The following RAD51B variants were observed in gnomAD, a reference collection of about 807,000 sequenced individuals.
RAD51B encodes RAD51 paralog B.
RAD51B carries 38 observed loss-of-function variants against 42.2 expected under a neutral mutation model. The observed-to-expected ratio is 0.90, with a 90% CI of 0.70 to 1.18. The LOEUF (loss-of-function observed/expected upper bound fraction) is 1.18. RAD51B is among the 50% of genes most tolerant of loss of function. The pLI is 0.00. For synonymous variants in RAD51B, 154 were observed against 145.2 expected (o/e 1.06, Z -0.43); for missense variants, 373 against 400.7 (o/e 0.93, Z 0.59).
intron 7 of RAD51B, among the ~76,000 whole-genome samples, chr14:68,291,542 T>C (rs2081517098): frequency 6.6e-6 from 1 of 152,226 alleles, no homozygotes; most frequent in African/African-American, 2.4e-5. Context: ...AATGTGTACA[T>C]GTGCATTTAA....
At chr14:68,297,172 T>C (rs576692696) in intron 8 of RAD51B, among the ~76,000 whole-genome samples, 1 of 152,310 alleles carries the variant, frequency 6.6e-6, no homozygotes, top group African/African-American at 2.4e-5. Flanking sequence ...CTCAGAATGG[T>C]TGGGACAAAT....
At position 68,525,397 on chromosome 14, in the gene RAD51B, A is replaced by G. The variant is rs76242603; in HGVS notation, c.1036+57147A>G. Among the ~76,000 whole-genome samples, 902 of 152,374 alleles carry G rather than the reference A, an allele frequency of 5.9e-3. 13 individuals carry two copies. The highest frequency in any genetic ancestry group is 0.02 in the African/African-American group (818 of 41,588). The stretch of plus-strand genomic sequence containing the variant: ...CATTCCATTAGTGGTAACTTTTACA[A>G]CAGCAATAAGAAAGTAATTCAAAGT... On this transcript the variant is annotated intron_variant, in intron 10 of 10. Coordinates refer to the RAD51B transcript ENST00000487270.
chr14:68,034,957 T>A (rs2076098653), intron 7 of RAD51B, among the ~76,000 whole-genome samples: 1 of 152,176 alleles, frequency 6.6e-6, no homozygotes, highest in African/African-American at 2.4e-5. Context: ...AGGATTTGAC[T>A]GAAGGGAATT....
At chr14:68,494,319 G>C (rs1257125014) in intron 10 of RAD51B, among the ~76,000 whole-genome samples, 1 of 151,146 alleles carries the variant, frequency 6.6e-6, no homozygotes, top group Non-Finnish European at 1.5e-5. Context: ...CACCAGTACT[G>C]CTCTATTAGA....
At chr14:68,203,745 T>C (rs1486617374) in intron 7 of RAD51B, among the ~76,000 whole-genome samples, 3 of 152,236 alleles carry the variant, frequency 2.0e-5, no homozygotes, top group Admixed American at 2.0e-4. Context: ...AGCTAGATCT[T>C]CTGGATAAAT....
chr14:68,243,880 GAAC>G lies in RAD51B; in HGVS notation c.757-48002_757-48000del, dbSNP rs148258923. Among the ~76,000 whole-genome samples, 1,459 of 152,248 alleles carry G rather than the reference GAAC, an allele frequency of 9.6e-3. 25 individuals carry two copies. The highest frequency in any genetic ancestry group is 0.033 in the African/African-American group (1,379 of 41,518). On this transcript the variant is annotated intron_variant, in intron 7 of 10. Coordinates refer to ENST00000471583, the MANE Select transcript of RAD51B (RefSeq NM_133510.4). ...ATCTAATTATATGTTGATTTGTAAT[GAAC>G]AGAGGCTTCCTCTCATTTAATTTTC...
intron 7 of RAD51B, among the ~76,000 whole-genome samples, chr14:67,989,232 C>T (rs975599872): frequency 2.6e-5 from 4 of 152,178 alleles, no homozygotes; most frequent in East Asian, 1.9e-4. Flanking sequence ...TATTCTGTGA[C>T]GTCTTTGATG....
intron 7 of RAD51B, among the ~76,000 whole-genome samples, chr14:67,904,761 C>G (rs1459565727): frequency 6.6e-6 from 1 of 151,694 alleles, no homozygotes; most frequent in Non-Finnish European, 1.5e-5. Flanking sequence ...TTTAATGGAT[C>G]TGTTTGTTTT....
At chr14:68,094,871 A>G (rs2077165702) in intron 7 of RAD51B, among the ~76,000 whole-genome samples, 1 of 152,248 alleles carries the variant, frequency 6.6e-6, no homozygotes, top group Non-Finnish European at 1.5e-5. Flanking sequence ...CTCCTAAATG[A>G]CTACATCTGG....
At chr14:68,283,027 A>G (rs1248116714) in intron 7 of RAD51B, among the ~76,000 whole-genome samples, 1 of 152,192 alleles carries the variant, frequency 6.6e-6, no homozygotes, top group African/African-American at 2.4e-5. Flanking sequence ...CATACCTCCA[A>G]GGAGCAAGTG....
Position 68,261,312 on chromosome 14 carries a change from T to C in RAD51B, c.757-30572T>C, listed in dbSNP as rs530326500. 4.6e-5 allele frequency among the ~76,000 whole-genome samples: 7 copies of C among 152,364 alleles called. 1 individual carries two copies. The South Asian group carries it at 1.2e-3, about 27-fold the overall frequency. ...GAAAGAATGCTCTCCCTTTTCCTTT[T>C]GTGGTGATTGTGTATCTTAAGAGAA... On this transcript the variant is annotated intron_variant, in intron 7 of 10. Transcript: ENST00000471583.
intron 10 of RAD51B, among the ~76,000 whole-genome samples, chr14:68,631,752 T>C (rs1892232688): frequency 1.3e-5 from 2 of 152,208 alleles, no homozygotes; most frequent in South Asian, 4.1e-4. Context: ...TCCTACCTCC[T>C]TGGCTGCCTG....
intron 10 of RAD51B, among the ~76,000 whole-genome samples, chr14:68,609,414 A>G (rs1183251671): frequency 6.6e-6 from 1 of 151,638 alleles, no homozygotes; most frequent in Non-Finnish European, 1.5e-5. Flanking sequence ...AGGCCTTCCC[A>G]CAGGGCCCCT....
At chr14:68,091,571 T>G (rs1178014646) in intron 7 of RAD51B, among the ~76,000 whole-genome samples, 1 of 152,220 alleles carries the variant, frequency 6.6e-6, no homozygotes, top group Non-Finnish European at 1.5e-5. Context: ...TAAATTTGTT[T>G]GAGTTCATTG....
chr14:68,580,883 G>A (rs1035247915), intron 10 of RAD51B, among the ~76,000 whole-genome samples: 1 of 152,198 alleles, frequency 6.6e-6, no homozygotes, highest in Non-Finnish European at 1.5e-5. Context: ...ACACGGGGCG[G>A]GGACGTGGCA....
chr14:68,350,722 G>C (rs996310630), intron 8 of RAD51B, among the ~76,000 whole-genome samples: 1 of 152,218 alleles, frequency 6.6e-6, no homozygotes, highest in Non-Finnish European at 1.5e-5. Context: ...GGGAGATGGT[G>C]GTTGCCCCAG....
At chr14:67,903,210 A>G (rs1216418848) in intron 7 of RAD51B, among the ~76,000 whole-genome samples, 1 of 152,156 alleles carries the variant, frequency 6.6e-6, no homozygotes, top group East Asian at 1.9e-4. Flanking sequence ...ACTGTCAGGA[A>G]TCTGCAAAGC....
chr14:67,975,095 C>T (rs911772684), intron 7 of RAD51B, among the ~76,000 whole-genome samples: 8 of 152,106 alleles, frequency 5.3e-5, no homozygotes, highest in Admixed American at 5.2e-4. Context: ...AAACAATGAA[C>T]ATTTATTACC....
At chr14:68,362,359 A>G (rs1175995201) in intron 8 of RAD51B, among the ~76,000 whole-genome samples, 1 of 152,198 alleles carries the variant, frequency 6.6e-6, no homozygotes, top group Admixed American at 6.5e-5. Context: ...TTTTGTAAGG[A>G]TTTTTCATAT....
Sources: allele counts gnomAD v4.1 joint callset (sites outside exome capture counted in the v4.1 genomes callset), GRCh38; gene constraint gnomAD v4.1.1; transcripts MANE v1.5; gene names NCBI Gene and HGNC (gene_info 2026-07-23, HGNC 2026-07-21).